The following CALN1 variants were observed in gnomAD, a reference collection of about 807,000 sequenced individuals.
CALN1 encodes calcium-binding protein 8.
A neutral mutation model predicts 30.6 loss-of-function variants in CALN1; 17 were observed. The ratio of observed to expected loss-of-function variants is 0.56; its 90% CI spans 0.38 to 0.83. CALN1 has a LOEUF of 0.83. Among genes scored for constraint, CALN1 ranks in the 40% least tolerant of loss-of-function variants. CALN1 has a pLI of 0.00. For missense variants in CALN1, 291 were observed against 354.9 expected, an observed-to-expected ratio of 0.82 and a Z score of 1.45; for synonymous variants, 156 against 131.4, an observed-to-expected ratio of 1.19 and a Z score of -1.28.
chr7:72,358,647 T>C (rs761385915), intron 2 of CALN1, among the ~76,000 whole-genome samples: 4 of 152,042 alleles, frequency 2.6e-5, no homozygotes, highest in Non-Finnish European at 5.9e-5. Flanking sequence ...TCAACAAAGA[T>C]AGATGTAAAA....
chr7:71,827,932 G>A (rs1162866739), intron 5 of CALN1, among the ~76,000 whole-genome samples: 3 of 152,070 alleles, frequency 2.0e-5, no homozygotes, highest in African/African-American at 7.2e-5. Context: ...ACCAGCAAGA[G>A]CAAAGACCAT....
intron 3 of CALN1, among the ~76,000 whole-genome samples, chr7:72,150,777 T>C (rs962571637): frequency 6.6e-6 from 1 of 152,218 alleles, no homozygotes; most frequent in Admixed American, 6.5e-5. Flanking sequence ...GTTACTAACA[T>C]CAATCGTGTA....
intron 3 of CALN1, among the ~76,000 whole-genome samples, chr7:72,244,777 C>T (rs539090937): frequency 7.4e-4 from 112 of 151,930 alleles, no homozygotes; most frequent in African/African-American, 2.4e-3. Context: ...TATGGCACTA[C>T]CAATGGATAG....
chr7:71,941,247 G>A (rs546713528), intron 5 of CALN1, among the ~76,000 whole-genome samples: 1 of 128,402 alleles, frequency 7.8e-6, no homozygotes, highest in Non-Finnish European at 1.7e-5. Flanking sequence ...CTACTTGGGA[G>A]GCTGAGGCAG....
At chr7:72,465,227 T>A in the CALN1 span, among the ~76,000 whole-genome samples, 1 of 152,182 alleles carries the variant, frequency 6.6e-6, no homozygotes, top group Non-Finnish European at 1.5e-5. Context: ...CATCACCTCA[T>A]CCGAGAAGTC....
intron 2 of CALN1, among the ~76,000 whole-genome samples, chr7:72,384,835 A>T (rs1441302526): frequency 6.6e-6 from 1 of 152,178 alleles, no homozygotes; most frequent in Non-Finnish European, 1.5e-5. Flanking sequence ...ATTAATATTT[A>T]AAAAGATACT....
At chr7:72,284,620 C>G (rs945905743) in intron 2 of CALN1, among the ~76,000 whole-genome samples, 63 of 152,300 alleles carry the variant, frequency 4.1e-4, no homozygotes, top group Non-Finnish European at 1.8e-4. Flanking sequence ...GTACATCAGT[C>G]TTAATTCTGC....
At chr7:71,972,016 AAAAG>A (rs150077575) in intron 5 of CALN1, among the ~76,000 whole-genome samples, 10,974 of 142,732 alleles carry the variant, frequency 0.077, 878 homozygotes, top group East Asian at 0.33. Context: ...AAAAAGAAAG[AAAAG>A]AAAGAAAGAA....
At chr7:72,036,943 G>A (rs1383293100) in intron 4 of CALN1, among the ~76,000 whole-genome samples, 1 of 151,432 alleles carries the variant, frequency 6.6e-6, no homozygotes. Context: ...TTTATTTTTT[G>A]TTATTATTTT....
intron 5 of CALN1, among the ~76,000 whole-genome samples, chr7:71,940,988 T>C (rs1185245316): frequency 2.0e-5 from 3 of 152,158 alleles, no homozygotes; most frequent in African/African-American, 7.2e-5. Flanking sequence ...GGAAATTATT[T>C]TCCAAACAAG....
chr7:71,948,472 G>A (rs1304505256), intron 5 of CALN1, among the ~76,000 whole-genome samples: 1 of 152,128 alleles, frequency 6.6e-6, no homozygotes, highest in Non-Finnish European at 1.5e-5. Context: ...GCTTATGCCT[G>A]TAATCCCAGC....
At chr7:72,141,873 T>A (rs1021362911) in intron 3 of CALN1, among the ~76,000 whole-genome samples, 7 of 152,144 alleles carry the variant, frequency 4.6e-5, no homozygotes, top group Non-Finnish European at 8.8e-5. Context: ...CGGGCCAACA[T>A]CACCACTTTC....
chr7:72,328,568 T>G (rs534110587), intron 2 of CALN1, among the ~76,000 whole-genome samples: 1 of 152,324 alleles, frequency 6.6e-6, no homozygotes, highest in East Asian at 1.9e-4. Flanking sequence ...GAGCATCCTG[T>G]GTTTTGTCCC....
chr7:72,130,419 A>T (rs143552985), intron 3 of CALN1, among the ~76,000 whole-genome samples: 12 of 152,286 alleles, frequency 7.9e-5, no homozygotes, highest in African/African-American at 2.6e-4. Context: ...GAAAAAAAGA[A>T]GAAAGACTAG....
intron 3 of CALN1, among the ~76,000 whole-genome samples, chr7:72,216,555 G>C (rs968665226): frequency 6.6e-6 from 1 of 152,142 alleles, no homozygotes; most frequent in African/African-American, 2.4e-5. Context: ...TAGGGAGGTG[G>C]AGAAGAGTCA....
chr7:71,896,292 C>T (rs936501615), intron 5 of CALN1, among the ~76,000 whole-genome samples: 8 of 152,094 alleles, frequency 5.3e-5, no homozygotes, highest in Non-Finnish European at 1.0e-4. Context: ...TACATAAACT[C>T]GACAATTGAG....
At chr7:71,930,493 T>C (rs1795494422) in intron 5 of CALN1, among the ~76,000 whole-genome samples, 2 of 152,214 alleles carry the variant, frequency 1.3e-5, no homozygotes, top group Non-Finnish European at 2.9e-5. Context: ...GATTTGCAAA[T>C]ATATGCACCC....
At chr7:71,814,315 G>A (rs1788136292) in intron 5 of CALN1, among the ~76,000 whole-genome samples, 1 of 152,078 alleles carries the variant, frequency 6.6e-6, no homozygotes, top group Non-Finnish European at 1.5e-5. Context: ...CAAGGGTGAG[G>A]GGTAATTTGA....
At chr7:71,840,328 T>A (rs918232169) in intron 5 of CALN1, among the ~76,000 whole-genome samples, 1 of 151,342 alleles carries the variant, frequency 6.6e-6, no homozygotes, top group Non-Finnish European at 1.5e-5. Context: ...CCACAAAAAA[T>A]TTAAAAATTA....
Sources: allele counts gnomAD v4.1 joint callset (sites outside exome capture counted in the v4.1 genomes callset), GRCh38; gene constraint gnomAD v4.1.1; transcripts MANE v1.5; gene names NCBI Gene and HGNC (gene_info 2026-07-23, HGNC 2026-07-21).